Variants in CD177 observed in about 807,000 individuals in gnomAD.
CD177 encodes the protein CD177 antigen.
In CD177, 41 loss-of-function variants were observed where a neutral mutation model predicts 38.1. The ratio of observed to expected loss-of-function variants is 1.07; its 90% CI spans 0.84 to 1.39. CD177 has a LOEUF of 1.39. Among genes scored for constraint, CD177 ranks in the 40% most tolerant of loss-of-function variants. The pLI, the probability that CD177 is intolerant of heterozygous loss-of-function variation, is 0.00. For missense variants in CD177, 619 were observed against 523.8 expected (o/e 1.18, Z -1.77); for synonymous variants, 236 against 216.7 (o/e 1.09, Z -0.78).
intron 3 of CD177, among the ~76,000 whole-genome samples, chr19:43,355,038 G>A (rs1220588368): frequency 7.1e-6 from 1 of 140,584 alleles, no homozygotes; most frequent in Non-Finnish European, 1.5e-5. Flanking sequence ...GCCTCAGCAG[G>A]CCCCTCCTCC....
chr19:43,353,918 C>A lies in CD177; in HGVS notation c.118C>A (p.Arg40=). The A allele has an allele frequency of 6.2e-7, 1 of 1,613,890 alleles. No individual in the cohort carries two copies. The highest frequency in any genetic ancestry group is 8.5e-7 in the Non-Finnish European group (1 of 1,179,854). The change falls in exon 2 of 9, where the codon CGG becomes AGG. Residue 40 remains arginine, a synonymous_variant. Transcript: ENST00000618265. ...QHVWKVSDLP[R]QWTPKNTSCD... ...TGTGTGGAAGGTGTCCGACCTGCCC[C>A]GGCAATGGACCCCTAAGAACACCAG... is the stretch of plus-strand genomic sequence containing the variant.
At chr19:43,363,992 C>T (rs532607953), downstream of CD177, among the ~76,000 whole-genome samples, 4 of 152,014 alleles carry the variant, frequency 2.6e-5, no homozygotes, top group African/African-American at 9.7e-5. Context: ...CCCAGCTACT[C>T]AGAAGGCTGA....
At chr19:43,354,531 C>G (rs1969895307) in intron 3 of CD177, 139 bp downstream of exon 3, 3 of 824,800 alleles carry the variant, frequency 3.6e-6, no homozygotes, top group Middle Eastern at 3.5e-4. Context: ...CCTGACTGCT[C>G]CCTGACCATC....
chr19:43,360,287 G>A lies in CD177; in HGVS notation c.642G>A (p.Gly214=), dbSNP rs772455835. The stretch of plus-strand genomic sequence containing the variant: ...CAGATTTTCTGACCTGTCATCGGGG[G>A]ACCACCATTATGACACACGGAAACT... ...DMKDFLTCHR[G]TTIMTHGNLA... is the part of the protein sequence containing the mutation. The change falls in exon 6 of 9, where the codon GGG becomes GGA. Residue 214 remains glycine, a synonymous_variant. Transcript: ENST00000618265. 4 of 1,613,230 alleles carry A rather than the reference G, an allele frequency of 2.5e-6. No individual in the cohort carries two copies. Among genetic ancestry groups the A allele is most frequent in the Admixed American group, 3.3e-5 (2 of 59,950 alleles).
At position 43,361,536 on chromosome 19, in the gene CD177, G is replaced by A; in HGVS notation, c.1038G>A (p.Arg346=). Residue 346 remains arginine, a synonymous_variant, in exon 8 of 9, where the codon AGG becomes AGA. Coordinates refer to ENST00000618265, the MANE Select transcript of CD177 (RefSeq NM_020406.4). ...SSGSPRMTCP[R]GATHCYDGYI... ...GCTCCCCCCGAATGACCTGCCCCAG[G>A]GGCGCCACTCATTGTTATGATGGGT... The A allele has an allele frequency of 6.3e-7, 1 of 1,588,556 alleles. No homozygotes were observed. The highest frequency in any genetic ancestry group is 1.1e-5 in the South Asian group (1 of 87,826).
downstream of CD177, among the ~76,000 whole-genome samples, chr19:43,365,241 G>A (rs1031102302): frequency 2.1e-5 from 3 of 142,444 alleles, no homozygotes; most frequent in South Asian, 2.4e-4. Context: ...GCTTAGCCCC[G>A]GGCTCTGCCT....
At chr19:43,360,114 A>G in intron 5 of CD177, 151 bp from the exon 6 acceptor site, 1 of 916,002 alleles carries the variant, frequency 1.1e-6, no homozygotes, top group Admixed American at 2.7e-5. Flanking sequence ...TTCGACTCCC[A>G]AGTCCCTTCT....
At chr19:43,355,615 C>T in intron 3 of CD177, 46 bp from the exon 4 acceptor site, 7 of 1,610,342 alleles carry the variant, frequency 4.3e-6, no homozygotes, top group Non-Finnish European at 5.9e-6. Flanking sequence ...CTGATCAAAT[C>T]CAGTGCCCTC....
chr19:43,360,843 T>C (rs1969952214), intron 6 of CD177: 1 of 531,856 alleles, frequency 1.9e-6, no homozygotes. Flanking sequence ...TGCAGAGAAA[T>C]CTGGCAAGGA....
Position 43,360,272 on chromosome 19 carries a change from G to A in CD177, c.627G>A (p.Leu209=). ...TGGGATTCCTCTCCCCAGATTTTCT[G>A]ACCTGTCATCGGGGGACCACCATTA... The part of the protein sequence containing the change: ...MTENCDMKDF[L]TCHRGTTIMT... Residue 209 remains leucine (L), a synonymous_variant, in exon 6 of 9, where the codon CTG becomes CTA. Coordinates refer to ENST00000618265, the MANE Select transcript of CD177 (RefSeq NM_020406.4). The A allele has an allele frequency of 6.2e-7, 1 of 1,613,082 alleles. No homozygotes were observed. Among genetic ancestry groups the A allele is most frequent in the South Asian group, 1.1e-5 (1 of 90,742 alleles).
At chr19:43,365,240 C>T (rs556212821), downstream of CD177, among the ~76,000 whole-genome samples, 13,133 of 137,038 alleles carry the variant, frequency 0.096, 894 homozygotes, top group Middle Eastern at 0.15. Flanking sequence ...GGCTTAGCCC[C>T]GGGCTCTGCC....
rs563207389 is a variant in CD177 at position 43,355,839 on chromosome 19, G to A, written c.502+56G>A. The A allele has an allele frequency of 5.0e-6, 8 of 1,609,690 alleles. No individual in the cohort carries two copies. In the African/African-American group the frequency reaches 8.0e-5, roughly 16 times the overall value. On this transcript the variant is annotated intron_variant, in intron 4 of 8. Coordinates refer to ENST00000618265, the MANE Select transcript of CD177 (RefSeq NM_020406.4). Reference sequence around the variant, plus strand: ...GACTGAACTGGAAGGTCTGGGGACTGAGATCTTAGGCTTTGGGGAGTGAGG... The same window carrying A: ...GACTGAACTGGAAGGTCTGGGGACTAAGATCTTAGGCTTTGGGGAGTGAGG...
rs367981894 is a variant in CD177 at position 43,355,803 on chromosome 19, G to A, written c.502+20G>A. On this transcript the variant is annotated intron_variant, in intron 4 of 8. Transcript: ENST00000618265. ...GGGGAGGTAAGCCTGGGACATCGGG[G>A]TCCCTGTGGGGACTGAACTGGAAGG... 1.2e-5 allele frequency: 19 copies of A among 1,612,762 alleles called. No individual in the cohort carries two copies. Among genetic ancestry groups the A allele is most frequent in the Non-Finnish European group, 1.4e-5 (17 of 1,179,392 alleles).
chr19:43,364,266 C>A (rs1210874153), downstream of CD177, among the ~76,000 whole-genome samples: 1 of 152,180 alleles, frequency 6.6e-6, no homozygotes, highest in Non-Finnish European at 1.5e-5. Flanking sequence ...CTGCTGAGGT[C>A]CTGGGGGCGG....
Position 43,362,348 on chromosome 19 carries a change from C to T in CD177, c.*28C>T, listed in dbSNP as rs1466396139. 9.4e-7 allele frequency: 1 copy of T among 1,064,592 alleles called. No homozygotes were observed. The highest frequency in any genetic ancestry group is 1.4e-6 in the Non-Finnish European group (1 of 725,350). 65.9% of individuals were successfully genotyped at this position (1,064,592 alleles called of 1,614,324 possible). On this transcript the variant is annotated 3_prime_UTR_variant, in exon 9 of 9. Coordinates refer to ENST00000618265, the MANE Select transcript of CD177 (RefSeq NM_020406.4). ...CTATTACCCCCACGATTCTTCACCGCTGCTGACCACCCACACTCAACCTCC... is the reference window on the plus strand; with the variant it reads ...CTATTACCCCCACGATTCTTCACCGTTGCTGACCACCCACACTCAACCTCC...
chr19:43,362,836 A>T lies in CD177; in HGVS notation c.*516A>T, dbSNP rs1233953292. 6.5e-6 allele frequency: 1 copy of T among 152,704 alleles called. No homozygotes were observed. Among genetic ancestry groups the T allele is most frequent in the Non-Finnish European group, 1.5e-5 (1 of 68,386 alleles). The allele number at this position is 152,704 out of a possible 1,614,324, so 9.5% of individuals were successfully genotyped here. On this transcript the variant is annotated 3_prime_UTR_variant, in exon 9 of 9. Transcript: ENST00000618265. The stretch of plus-strand genomic sequence containing the variant: ...CCAGCCTAGCAGCCAGGGCCCTAGC[A>T]CAAACAGGAGGCTCGCCCCATCTGA...
chr19:43,364,504 A>G (rs1426857753), downstream of CD177, among the ~76,000 whole-genome samples: 1 of 151,154 alleles, frequency 6.6e-6, no homozygotes, highest in Non-Finnish European at 1.5e-5. Flanking sequence ...CTTCGAAAAT[A>G]GCCTCCTTGT....
chr19:43,365,244 C>G (rs1431990592), downstream of CD177, among the ~76,000 whole-genome samples: 1 of 142,740 alleles, frequency 7.0e-6, no homozygotes, highest in Admixed American at 7.1e-5. Flanking sequence ...TAGCCCCGGG[C>G]TCTGCCTACA....
chr19:43,363,295 G>T (rs1195633239), downstream of CD177: 1 of 152,176 alleles, frequency 6.6e-6, no homozygotes, highest in African/African-American at 2.4e-5. Flanking sequence ...CATTTTCCCA[G>T]AGCTGTTATC....
Sources: allele counts gnomAD v4.1 joint callset (sites outside exome capture counted in the v4.1 genomes callset), GRCh38; gene constraint gnomAD v4.1.1; transcripts MANE v1.5; gene names NCBI Gene and HGNC (gene_info 2026-07-23, HGNC 2026-07-21).